NEMP2: variants seen among roughly 807,000 people sequenced by gnomAD.
NEMP2 encodes the protein UPF0571 transmembrane protein.
In NEMP2, 53 loss-of-function variants were observed where a neutral mutation model predicts 54.2. The observed-to-expected ratio is 0.98, with a 90% CI of 0.78 to 1.23. NEMP2 has a LOEUF of 1.23. Ranked by LOEUF, NEMP2 falls within the 50% of genes most tolerant of loss-of-function variation. NEMP2 has a pLI of 0.00. For missense variants in NEMP2, 455 were observed against 511.3 expected (o/e 0.89, Z 1.06); for synonymous variants, 197 against 190.3 (o/e 1.04, Z -0.29).
the NEMP2 span, among the ~76,000 whole-genome samples, chr2:190,496,143 G>GA: frequency 5.3e-4 from 75 of 141,466 alleles, no homozygotes; most frequent in African/African-American, 8.0e-4. This position sits in a 1 kb window ranked among gnomAD's most constrained non-coding sequence, Gnocchi z 4.7. Flanking sequence ...AAATTAGCAA[G>GA]AAAAAAAAAA....
Position 190,505,050 on chromosome 2 carries a change from C to T in NEMP2, c.*4139G>A, listed in dbSNP as rs559526713. ...AACTAGAGGGAAACTGGTCCATCACCCCAGACAGTCTGAGAAGCACTGACA... is the reference window on the plus strand; with the variant it reads ...AACTAGAGGGAAACTGGTCCATCACTCCAGACAGTCTGAGAAGCACTGACA... On this transcript the variant is annotated 3_prime_UTR_variant, in exon 9 of 9. Transcript: ENST00000409150. This position sits in a 1 kb window ranked among gnomAD's most constrained non-coding sequence, Gnocchi z 5.8. 2.0e-5 allele frequency: 3 copies of T among 152,170 alleles called. No individual in the cohort carries two copies. In the East Asian group the frequency reaches 5.8e-4, roughly 29 times the overall value. The allele number at this position is 152,170 out of a possible 1,614,324, so 9.4% of individuals were successfully genotyped here. A position where few individuals can be genotyped will look rare whatever the true frequency, so the allele number is the denominator to read the frequency against.
At chr2:190,612,772 A>G in the NEMP2 span, among the ~76,000 whole-genome samples, 2 of 152,122 alleles carry the variant, frequency 1.3e-5, no homozygotes, top group African/African-American at 4.8e-5. Context: ...TATTTTTACA[A>G]CTTACTTTAT....
the NEMP2 span, among the ~76,000 whole-genome samples, chr2:190,634,252 C>T: frequency 6.6e-6 from 1 of 152,136 alleles, no homozygotes; most frequent in African/African-American, 2.4e-5. The surrounding 1 kb of genome is among the most constrained non-coding windows in gnomAD (Gnocchi z 6.8). Context: ...TAACTGAAGT[C>T]CTGTAAATTC....
the NEMP2 span, among the ~76,000 whole-genome samples, chr2:190,456,751 T>C: frequency 7.2e-5 from 11 of 152,224 alleles, no homozygotes; most frequent in African/African-American, 2.7e-4. This position sits in a 1 kb window ranked among gnomAD's most constrained non-coding sequence, Gnocchi z 5.4. Flanking sequence ...GGTGGAAACC[T>C]TGGCTCACCC....
At chr2:190,492,497 C>T in the NEMP2 span, among the ~76,000 whole-genome samples, 1 of 152,146 alleles carries the variant, frequency 6.6e-6, no homozygotes, top group Non-Finnish European at 1.5e-5. The surrounding 1 kb of genome is among the most constrained non-coding windows in gnomAD (Gnocchi z 5.2). Flanking sequence ...TATGTTCAGC[C>T]TCATAATTAA....
chr2:190,443,713 G>A, the NEMP2 span, among the ~76,000 whole-genome samples: 1 of 152,274 alleles, frequency 6.6e-6, no homozygotes, highest in African/African-American at 2.4e-5. This position sits in a 1 kb window ranked among gnomAD's most constrained non-coding sequence, Gnocchi z 4.2. Context: ...TCCTGATACA[G>A]CCTTTATATA....
chr2:190,457,632 A>T, the NEMP2 span, among the ~76,000 whole-genome samples: 2 of 152,232 alleles, frequency 1.3e-5, no homozygotes, highest in Non-Finnish European at 2.9e-5. This position sits in a 1 kb window ranked among gnomAD's most constrained non-coding sequence, Gnocchi z 5.1. Flanking sequence ...GCTCAGGCAG[A>T]ATTTGTAAAA....
the NEMP2 span, among the ~76,000 whole-genome samples, chr2:190,611,807 T>C: frequency 3.9e-4 from 60 of 152,380 alleles, no homozygotes; most frequent in Admixed American, 1.5e-3. This position sits in a 1 kb window ranked among gnomAD's most constrained non-coding sequence, Gnocchi z 5.4. Flanking sequence ...TATGTTACAC[T>C]GTTAACTTTT....
At chr2:190,602,584 G>A in the NEMP2 span, among the ~76,000 whole-genome samples, 1 of 152,210 alleles carries the variant, frequency 6.6e-6, no homozygotes, top group African/African-American at 2.4e-5. Context: ...AGGTTGAGTG[G>A]AACCCAGGGA....
the NEMP2 span, chr2:190,610,855 A>T: frequency 1.3e-5 from 2 of 152,230 alleles, no homozygotes; most frequent in Admixed American, 1.3e-4. This position sits in a 1 kb window ranked among gnomAD's most constrained non-coding sequence, Gnocchi z 5.4. Context: ...CAAAAAGTCA[A>T]AAAGATCACT....
At chr2:190,448,603 G>A in the NEMP2 span, among the ~76,000 whole-genome samples, 45,350 of 151,974 alleles carry the variant, frequency 0.3, 7,509 homozygotes, top group Admixed American at 0.46. Context: ...AAATGTTAAC[G>A]ATAAATTTTA....
chr2:190,645,262 A>C, the NEMP2 span, among the ~76,000 whole-genome samples: 1 of 152,206 alleles, frequency 6.6e-6, no homozygotes, highest in African/African-American at 2.4e-5. Context: ...AAATAAAAAA[A>C]CAGAATTTGA....
chr2:190,556,419 A>C, the NEMP2 span, among the ~76,000 whole-genome samples: 1 of 152,252 alleles, frequency 6.6e-6, no homozygotes, highest in Non-Finnish European at 1.5e-5. Flanking sequence ...AAACCGGCAC[A>C]AGACATGGAT....
chr2:190,619,991 C>T, the NEMP2 span, among the ~76,000 whole-genome samples: 1 of 152,286 alleles, frequency 6.6e-6, no homozygotes, highest in African/African-American at 2.4e-5. The surrounding 1 kb of genome is among the most constrained non-coding windows in gnomAD (Gnocchi z 5.5). Context: ...TTAAAGGTAC[C>T]ACTTAGCACC....
At position 190,534,297 on chromosome 2, in the gene NEMP2, G is replaced by GGGAATTGGGCGACT. The variant is rs1182309057; in HGVS notation, c.97+248_97+261dup. On this transcript the variant is annotated intron_variant, in intron 1 of 8. Coordinates refer to ENST00000409150, the MANE Select transcript of NEMP2 (RefSeq NM_001142645.2). ...AGTTTCGGTTGCTTCTGTAAAACGA[G>GGGAATTGGGCGACT]GGAATTGGGCGACTGGATCGCGCGG... The GGGAATTGGGCGACT allele has an allele frequency of 5.9e-5, 69 of 1,173,490 alleles. No individual in the cohort carries two copies. In the East Asian group the frequency reaches 2.1e-3, roughly 36 times the overall value. The allele number at this position is 1,173,490 out of a possible 1,614,324, so 72.7% of individuals were successfully genotyped here. A position where few individuals can be genotyped will look rare whatever the true frequency, so the allele number is the denominator to read the frequency against.
At chr2:190,573,623 T>C in the NEMP2 span, among the ~76,000 whole-genome samples, 9 of 152,140 alleles carry the variant, frequency 5.9e-5, no homozygotes, top group African/African-American at 2.2e-4. Context: ...GATATGTAAA[T>C]AGACCAAGAA....
At chr2:190,567,901 TCC>T in the NEMP2 span, among the ~76,000 whole-genome samples, 1 of 151,998 alleles carries the variant, frequency 6.6e-6, no homozygotes, top group South Asian at 2.1e-4. This position sits in a 1 kb window ranked among gnomAD's most constrained non-coding sequence, Gnocchi z 4.0. Flanking sequence ...CCCGCCTTGG[TCC>T]CCCAAAGTGC....
rs965964077 is a variant in NEMP2 at position 190,504,351 on chromosome 2, T to C, written c.*4838A>G. ...CCCCAACCAGGGTCTAGTTCTATTA[T>C]TTTATTGCCATTTAAATCTATAATC... On this transcript the variant is annotated 3_prime_UTR_variant, in exon 9 of 9. Coordinates refer to ENST00000409150, the MANE Select transcript of NEMP2 (RefSeq NM_001142645.2). This position sits in a 1 kb window ranked among gnomAD's most constrained non-coding sequence, Gnocchi z 5.6. 3 of 152,108 alleles carry C rather than the reference T, an allele frequency of 2.0e-5. No homozygotes were observed. The highest frequency in any genetic ancestry group is 7.2e-5 in the African/African-American group (3 of 41,402). 9.4% of individuals were successfully genotyped at this position (152,108 alleles called of 1,614,324 possible).
chr2:190,517,177 G>T (rs1488473573), intron 5 of NEMP2, among the ~76,000 whole-genome samples: 1 of 150,682 alleles, frequency 6.6e-6, no homozygotes, highest in Admixed American at 6.6e-5. Context: ...GTTATTCAAG[G>T]CCCCAATGGT....
Sources: allele counts gnomAD v4.1 joint callset (sites outside exome capture counted in the v4.1 genomes callset), GRCh38; gene constraint gnomAD v4.1.1; non-coding constraint Gnocchi (gnomAD v3.1); transcripts MANE v1.5; gene names NCBI Gene and HGNC (gene_info 2026-07-23, HGNC 2026-07-21).